Variants in LRIG1 observed in about 807,000 individuals in gnomAD.
LRIG1 encodes the protein leucine-rich repeats and immunoglobulin-like domains protein 1.
In LRIG1, 48 loss-of-function variants were observed where a neutral mutation model predicts 99.2. The observed-to-expected ratio is 0.48, with a 90% CI of 0.38 to 0.62. The LOEUF is 0.62. LRIG1 is among the 20% of genes least tolerant of loss of function. LRIG1 has a pLI of 0.00. For missense variants in LRIG1, 1,646 were observed against 1,434.4 expected (o/e 1.15, Z -2.38); for synonymous variants, 772 against 596.1 (o/e 1.29, Z -4.30).
chr3:66,381,995 T>C (rs1394909793), intron 16 of LRIG1, among the ~76,000 whole-genome samples: 2 of 152,212 alleles, frequency 1.3e-5, no homozygotes, highest in Non-Finnish European at 2.9e-5. Flanking sequence ...TGCACCGTAA[T>C]GCCCTTTCCA....
intron 3 of LRIG1, among the ~76,000 whole-genome samples, chr3:66,432,426 T>C (rs1457892918): frequency 4.6e-5 from 7 of 152,174 alleles, no homozygotes; most frequent in Admixed American, 4.6e-4. Context: ...GTAGAAGGGG[T>C]GGCAGGAGTA....
chr3:66,402,240 G>A (rs1451509453), intron 9 of LRIG1, among the ~76,000 whole-genome samples: 10 of 152,042 alleles, frequency 6.6e-5, no homozygotes, highest in East Asian at 1.9e-4. Context: ...CTTCCCTCCC[G>A]CGTACTGACT....
chr3:66,384,257 G>C lies in LRIG1; in HGVS notation c.1805C>G (p.Thr602Ser). Residue 602 changes from threonine (T) to serine (S), a missense_variant, in exon 14 of 19, where the codon ACC becomes AGC. By Grantham distance (58) the Thr-to-Ser change is moderately conservative. Transcript: ENST00000273261. The part of the protein sequence containing the change: ...RLTVNVLPSF[T>S]KTPHDITIRT... ...GATGGTTATGTCGTGGGGCGTTTTG[G>C]TGAATGATGGCAACACTGGAAAACA... 1 of 1,611,636 alleles carries C rather than the reference G, an allele frequency of 6.2e-7. No homozygotes were observed. The highest frequency in any genetic ancestry group is 8.5e-7 in the Non-Finnish European group (1 of 1,177,866).
rs1471917399 is a variant in LRIG1 at position 66,405,863 on chromosome 3, C to G, written c.1080-585G>C. The G allele has an allele frequency of 1.9e-5, 21 of 1,102,652 alleles. No homozygotes were observed. In the South Asian group the frequency reaches 4.5e-4, roughly 24 times the overall value. 68.3% of individuals were successfully genotyped at this position (1,102,652 alleles called of 1,614,324 possible). A position where few individuals can be genotyped will look rare whatever the true frequency, so the allele number is the denominator to read the frequency against. On this transcript the variant is annotated intron_variant, in intron 8 of 18. Transcript: ENST00000273261. ...TGAGTCAGACTTGTGACCCACTCGC[C>G]AGGATCAGAGGGATGAGGCCAACTC...
At chr3:66,384,534 T>C (rs186815119) in intron 13 of LRIG1, among the ~76,000 whole-genome samples, 1 of 152,176 alleles carries the variant, frequency 6.6e-6, no homozygotes, top group Admixed American at 6.5e-5. Context: ...GCTTTTACTC[T>C]ACATGGCAGT....
At chr3:66,431,772 C>A (rs1445376058) in intron 3 of LRIG1, among the ~76,000 whole-genome samples, 1 of 152,196 alleles carries the variant, frequency 6.6e-6, no homozygotes, top group East Asian at 1.9e-4. Flanking sequence ...GAACCTCCTT[C>A]TCACAGCCAC....
chr3:66,467,277 C>A (rs528039735), intron 1 of LRIG1, among the ~76,000 whole-genome samples: 2 of 152,114 alleles, frequency 1.3e-5, no homozygotes, highest in Non-Finnish European at 2.9e-5. Context: ...AATTTAGTAG[C>A]CACTGGCTAT....
At chr3:66,406,982 G>C (rs978026561) in intron 8 of LRIG1, among the ~76,000 whole-genome samples, 6 of 152,172 alleles carry the variant, frequency 3.9e-5, no homozygotes, top group African/African-American at 1.2e-4. Context: ...AGATGGGAAA[G>C]ACTGACCCAC....
chr3:66,451,478 TCCTGC>T lies in LRIG1; in HGVS notation c.365+76_365+80del, dbSNP rs200173964. 1.6e-3 allele frequency: 1,856 copies of T among 1,194,772 alleles called. 15 individuals are homozygous for T. The African/African-American group carries it at 0.022, about 14-fold the overall frequency. 74.0% of individuals were successfully genotyped at this position (1,194,772 alleles called of 1,614,324 possible). A position where few individuals can be genotyped will look rare whatever the true frequency, so the allele number is the denominator to read the frequency against. On this transcript the variant is annotated intron_variant, in intron 3 of 18. Transcript: ENST00000273261. ...CCAGCGAGCACATGAACTCAAGTTA[TCCTGC>T]CACCAGGTATCAGCAAGGCAACAAA...
intron 3 of LRIG1, among the ~76,000 whole-genome samples, chr3:66,444,142 A>T (rs1455391091): frequency 6.6e-6 from 1 of 152,200 alleles, no homozygotes; most frequent in Non-Finnish European, 1.5e-5. Context: ...CTCACCTGTA[A>T]GCAGAGCTGC....
intron 3 of LRIG1, among the ~76,000 whole-genome samples, chr3:66,423,328 T>C (rs1274685549): frequency 6.6e-6 from 1 of 152,140 alleles, no homozygotes; most frequent in African/African-American, 2.4e-5. Context: ...CCCAGCACTT[T>C]AGGAGGCTGA....
At position 66,475,565 on chromosome 3, in the gene LRIG1, G is replaced by GTCC. The variant is rs1700702701; in HGVS notation, c.219-13059_219-13057dup. Among the ~76,000 whole-genome samples the GTCC allele has an allele frequency of 3.9e-5, 6 of 152,336 alleles. No individual in the cohort carries two copies. In the South Asian group the frequency reaches 1.2e-3, roughly 32 times the overall value. On this transcript the variant is annotated intron_variant, in intron 1 of 18. Coordinates refer to ENST00000273261, the MANE Select transcript of LRIG1 (RefSeq NM_015541.3). Reference sequence around the variant, plus strand: ...AAAAGCTGTTCCAATCCCAGGTCTAGTCCGCATGGCTACACAAACATGACT... The same window carrying GTCC: ...AAAAGCTGTTCCAATCCCAGGTCTAGTCCTCCGCATGGCTACACAAACATGACT...
At chr3:66,485,279 G>T (rs1331290620) in intron 1 of LRIG1, among the ~76,000 whole-genome samples, 6 of 152,046 alleles carry the variant, frequency 3.9e-5, no homozygotes, top group Non-Finnish European at 5.9e-5. Context: ...GGTCACTGGC[G>T]GCCACAGCAC....
intron 1 of LRIG1, among the ~76,000 whole-genome samples, chr3:66,497,844 A>T (rs757204602): frequency 6.6e-6 from 1 of 152,114 alleles, no homozygotes; most frequent in Non-Finnish European, 1.5e-5. Context: ...CATTTTCTAG[A>T]CACCGTGGGC....
chr3:66,445,296 T>C (rs896331571), intron 3 of LRIG1, among the ~76,000 whole-genome samples: 9 of 151,746 alleles, frequency 5.9e-5, no homozygotes, highest in African/African-American at 2.2e-4. Context: ...TAAAGTAAGG[T>C]TTACTTTTAC....
intron 9 of LRIG1, among the ~76,000 whole-genome samples, chr3:66,401,966 A>T (rs1055503497): frequency 6.6e-6 from 1 of 152,126 alleles, no homozygotes; most frequent in African/African-American, 2.4e-5. Context: ...TAGCCGCGAC[A>T]TGTGCACTAG....
Position 66,448,468 on chromosome 3 carries a change from G to A in LRIG1, c.365+3091C>T, listed in dbSNP as rs573267836. On this transcript the variant is annotated intron_variant, in intron 3 of 18. Transcript: ENST00000273261. ...CAACAACAGTGGTTATTGGTCAGAG[G>A]GTAACTATGTCTTTTGTGACATTAT... 9.7e-4 allele frequency among the ~76,000 whole-genome samples: 147 copies of A among 152,260 alleles called. 1 individual carries two copies. The highest frequency in any genetic ancestry group is 3.2e-3 in the Admixed American group (49 of 15,294).
At chr3:66,419,122 A>T (rs1702718046) in intron 3 of LRIG1, among the ~76,000 whole-genome samples, 1 of 152,224 alleles carries the variant, frequency 6.6e-6, no homozygotes, top group African/African-American at 2.4e-5. Context: ...CGCCAGGAAA[A>T]GGGTCTGTGC....
chr3:66,439,738 G>A (rs1203813913), intron 3 of LRIG1, among the ~76,000 whole-genome samples: 2 of 152,120 alleles, frequency 1.3e-5, no homozygotes, highest in Non-Finnish European at 2.9e-5. Context: ...AGTTGGGTGG[G>A]CTATCAGAAG....
Sources: allele counts gnomAD v4.1 joint callset (sites outside exome capture counted in the v4.1 genomes callset), GRCh38; gene constraint gnomAD v4.1.1; transcripts MANE v1.5; gene names NCBI Gene and HGNC (gene_info 2026-07-23, HGNC 2026-07-21).